The following EPPK1 variants were observed in gnomAD, a reference collection of about 807,000 sequenced individuals.
The protein encoded by EPPK1 is epiplakin.
For missense variants in EPPK1, 3,823 were observed against 3,673.3 expected, an observed-to-expected ratio of 1.04 and a Z score of -1.05; for synonymous variants, 1,862 against 1,721.2, an observed-to-expected ratio of 1.08 and a Z score of -2.03.
Position 143,868,040 on chromosome 8 carries a change from C to T in EPPK1, c.5214G>A (p.Thr1738=), listed in dbSNP as rs576530179. 3.3e-4 allele frequency: 532 copies of T among 1,613,696 alleles called. 3 individuals are homozygous for T. In the South Asian group the frequency reaches 4.4e-3, roughly 13 times the overall value. Residue 1738 remains threonine, a synonymous_variant, in exon 2 of 2, where the codon ACG becomes ACA. Transcript: ENST00000615648. ...CACAGCGCTCCAGAAGCTGCAGGTACGTGAGGTTCTCGTGCGTGTTGGGGT... is the reference window on the plus strand; with the variant it reads ...CACAGCGCTCCAGAAGCTGCAGGTATGTGAGGTTCTCGTGCGTGTTGGGGT... ...FFDPNTHENL[T]YLQLLERCVE... is the part of the protein sequence containing the mutation.
Position 143,867,797 on chromosome 8 carries a change from G to T in EPPK1, c.5457C>A (p.Ala1819=), listed in dbSNP as rs200992058. 3.1e-4 allele frequency: 498 copies of T among 1,613,426 alleles called. No homozygotes were observed. Among genetic ancestry groups the T allele is most frequent in the Non-Finnish European group, 3.5e-4 (411 of 1,179,862 alleles). ...RKRELIQEYG[A]QSGGLEKLLE... is the part of the protein sequence containing the mutation. ...GCAATTTCTCCAGGCCCCCACTCTG[G>T]GCTCCATACTCCTGGATGAGCTCCC... The change falls in exon 2 of 2, where the codon GCC becomes GCA. Residue 1819 remains alanine, a synonymous_variant. Coordinates refer to ENST00000615648, the MANE Select transcript of EPPK1 (RefSeq NM_031308.4).
chr8:143,869,299 G>C lies in EPPK1; in HGVS notation c.3955C>G (p.Gln1319Glu). ...VGRELSEQLG[Q>E]AERAAAGYPD... ...TACCCGGCCGCCGCCCTCTCGGCCT[G>C]CCCGAGCTGCTCACTCAGCTCCCTG... Residue 1319 changes from glutamine to glutamate, a missense_variant, in exon 2 of 2, where the codon CAG becomes GAG. Coordinates refer to ENST00000615648, the MANE Select transcript of EPPK1 (RefSeq NM_031308.4). 1.0e-5 allele frequency: 16 copies of C among 1,604,914 alleles called. No homozygotes were observed. Among genetic ancestry groups the C allele is most frequent in the Non-Finnish European group, 1.4e-5 (16 of 1,175,494 alleles).
rs375623650 is a variant in EPPK1, at chr8:143,869,881, C to T, written c.3373G>A (p.Glu1125Lys). The T allele has an allele frequency of 1.9e-5, 31 of 1,606,014 alleles. 1 individual carries two copies. The highest frequency in any genetic ancestry group is 1.1e-4 in the African/African-American group (8 of 74,818). ...LPESAPALPT[E>K]EQVQRSLQAV... ...TGCAGGCTCCTCTGGACCTGCTCCT[C>T]GGTGGGGAGGGCAGGAGCACTTTCT... The change falls in exon 2 of 2, where the codon GAG (glutamate) becomes AAG (lysine). Residue 1125 changes from glutamate to lysine, a missense_variant. By Grantham distance (56) the Glu-to-Lys change is moderately conservative. Transcript: ENST00000615648.
At position 143,866,361 on chromosome 8, in the gene EPPK1, T is replaced by C; in HGVS notation, c.6893A>G (p.Glu2298Gly). The change falls in exon 2 of 2, where the codon GAG becomes GGG. Residue 2298 changes from glutamate (E) to glycine (G), a missense_variant. Coordinates refer to ENST00000615648, the MANE Select transcript of EPPK1 (RefSeq NM_031308.4). The stretch of plus-strand genomic sequence containing the variant: ...GGCGCGCTCGGCCGACAGCAGCTTC[T>C]CCTGGATCTCGCCGCCCACCACGCC... ...AAGVVGGEIQ[E>G]KLLSAERAVT... 1 of 749,394 alleles carries C rather than the reference T, an allele frequency of 1.3e-6. No homozygotes were observed. Among genetic ancestry groups the C allele is most frequent in the Non-Finnish European group, 2.0e-6 (1 of 495,702 alleles). The allele number at this position is 749,394 out of a possible 1,614,324, so 46.4% of individuals were successfully genotyped here.
chr8:143,867,627 C>A lies in EPPK1; in HGVS notation c.5627G>T (p.Gly1876Val), dbSNP rs1819175805. 1 of 1,613,342 alleles carries A rather than the reference C, an allele frequency of 6.2e-7. No individual in the cohort carries two copies. Among genetic ancestry groups the A allele is most frequent in the East Asian group, 2.2e-5 (1 of 44,878 alleles). ...GCTGAGTGCCTGTCCCCCAGTCCTC[C>A]CCACACGAAGTGTGTGCAGGGTCTT... ...DQKTLHTLRV[G>V]RTGGQALSTL... Residue 1876 changes from glycine (G) to valine (V), a missense_variant, in exon 2 of 2, where the codon GGG (glycine) becomes GTG (valine). By Grantham distance (109) the Gly-to-Val change is moderately radical. Coordinates refer to ENST00000615648, the MANE Select transcript of EPPK1 (RefSeq NM_031308.4).
chr8:143,869,341 TA>T lies in EPPK1; in HGVS notation c.3912del (p.Lys1305ArgfsTer9), dbSNP rs1554660312. 6.2e-6 allele frequency: 10 copies of T among 1,609,862 alleles called. No individual in the cohort carries two copies. The South Asian group carries it at 1.1e-4, about 18-fold the overall frequency. On this transcript the variant is annotated frameshift_variant, in exon 2 of 2. Coordinates refer to ENST00000615648, the MANE Select transcript of EPPK1 (RefSeq NM_031308.4). LOFTEE classifies it low-confidence loss of function (END_TRUNC). ...AGCTCCCTGCCCACCAGGCCGACCT[TA>T]ACCGCGTCCTCCACTGACAGTCTCT... ...NNQRLSVEDAVKVGLVGRELS... is the reference protein window; with the variant it reads ...NNQRLSVEDAXKVGLVGRELS...
chr8:143,872,906 C>T lies in EPPK1; in HGVS notation c.348G>A (p.Glu116=). The T allele has an allele frequency of 1.2e-6, 2 of 1,607,116 alleles. No individual in the cohort carries two copies. Among genetic ancestry groups the T allele is most frequent in the Non-Finnish European group, 1.7e-6 (2 of 1,176,774 alleles). Residue 116 remains glutamate (E), a synonymous_variant, in exon 2 of 2, where the codon GAG becomes GAA. Transcript: ENST00000615648. The part of the protein sequence containing the change: ...LELKEKLLAA[E]RATTGYPDPY... Reference sequence around the variant, plus strand: ...GGTCAGGATAGCCCGTAGTGGCACGCTCAGCGGCCAGCAGCTTCTCCTTCA... The same window carrying T: ...GGTCAGGATAGCCCGTAGTGGCACGTTCAGCGGCCAGCAGCTTCTCCTTCA...
At position 143,872,610 on chromosome 8, in the gene EPPK1, A is replaced by G. The variant is rs1554661645; in HGVS notation, c.644T>C (p.Leu215Pro). 1 of 1,610,526 alleles carries G rather than the reference A, an allele frequency of 6.2e-7. No homozygotes were observed. The highest frequency in any genetic ancestry group is 8.5e-7 in the Non-Finnish European group (1 of 1,179,584). Residue 215 changes from leucine (L) to proline (P), a missense_variant, in exon 2 of 2, where the codon CTG becomes CCG. Leu to Pro is a moderately conservative substitution (Grantham distance 98). Coordinates refer to ENST00000615648, the MANE Select transcript of EPPK1 (RefSeq NM_031308.4). ...GCCGGGGGCACGCACACACCTTTCC[A>G]GCAGCTGGTGGTATGTCAGCCGCTC... is the stretch of plus-strand genomic sequence containing the variant. ...TLERLTYHQL[L>P]ERCVRAPGSG... is the part of the protein sequence containing the mutation.
Position 143,871,354 on chromosome 8 carries a change from G to T in EPPK1, c.1900C>A (p.Leu634Ile), listed in dbSNP as rs782195835. The stretch of plus-strand genomic sequence containing the variant: ...ATGAGGGCAGTGCCGGGCCGGAGGA[G>T]CCCCTTGCATCGGGCCTCATAGATG... ...LSIYEARCKG[L>I]LRPGTALILL... The change falls in exon 2 of 2, where the codon CTC becomes ATC. Residue 634 changes from leucine (L) to isoleucine (I), a missense_variant. By Grantham distance (5) the Leu-to-Ile change is conservative. Coordinates refer to ENST00000615648, the MANE Select transcript of EPPK1 (RefSeq NM_031308.4). 1.2e-6 allele frequency: 2 copies of T among 1,609,834 alleles called. No homozygotes were observed. Among genetic ancestry groups the T allele is most frequent in the Non-Finnish European group, 8.5e-7 (1 of 1,178,870 alleles).
rs1554657834 is a variant in EPPK1, at chr8:143,857,916, A to AC, written c.*70_*71insG. ...AATGACAAAAAAAAAAAAAAAAAAAAAAACAACCCAGACACACAAGTATGC... is the reference window on the plus strand; with the variant it reads ...AATGACAAAAAAAAAAAAAAAAAAAACAAACAACCCAGACACACAAGTATGC... On this transcript the variant is annotated 3_prime_UTR_variant, in exon 2 of 2. Coordinates refer to ENST00000615648, the MANE Select transcript of EPPK1 (RefSeq NM_031308.4). 4.9e-6 allele frequency: 4 copies of AC among 821,526 alleles called. No homozygotes were observed. The highest frequency in any genetic ancestry group is 5.2e-6 in the Non-Finnish European group (3 of 580,272). 50.9% of individuals were successfully genotyped at this position (821,526 alleles called of 1,614,324 possible).
At position 143,864,076 on chromosome 8, in the gene EPPK1, C is replaced by T; in HGVS notation, c.9178G>A (p.Val3060Ile). ...REALRAATME[V>I]KVGRLRGRAV... Reference sequence around the variant, plus strand: ...CGCCCCCGGAGGCGGCCCACCTTGACCTCCATGGTGGCCGCACGCAGGGCC... The same window carrying T: ...CGCCCCCGGAGGCGGCCCACCTTGATCTCCATGGTGGCCGCACGCAGGGCC... Residue 3060 changes from valine to isoleucine, a missense_variant, in exon 2 of 2, where the codon GTC (valine) becomes ATC (isoleucine). Physicochemically the swap from Val to Ile is conservative, Grantham distance 29. Coordinates refer to ENST00000615648, the MANE Select transcript of EPPK1 (RefSeq NM_031308.4). The T allele has an allele frequency of 1.0e-5, 2 of 197,350 alleles. No individual in the cohort carries two copies. Among genetic ancestry groups the T allele is most frequent in the East Asian group, 5.1e-5 (1 of 19,754 alleles). The allele number at this position is 197,350 out of a possible 1,614,324, so 12.2% of individuals were successfully genotyped here. A position where few individuals can be genotyped will look rare whatever the true frequency, so the allele number is the denominator to read the frequency against.
rs782482565 is a variant in EPPK1, at chr8:143,870,270, G to A, written c.2984C>T (p.Pro995Leu). The change falls in exon 2 of 2, where the codon CCG becomes CTG. Residue 995 changes from proline (P) to leucine (L), a missense_variant. Physicochemically the swap from Pro to Leu is moderately conservative, Grantham distance 98 (BLOSUM62 -3). Coordinates refer to ENST00000615648, the MANE Select transcript of EPPK1 (RefSeq NM_031308.4). This position sits in a 1 kb window ranked among gnomAD's most constrained non-coding sequence, Gnocchi z 5.2. ...CCGCTTCAGCCTGCCATACAGCTCC[G>A]GCCCCACCACACCCCTGCGCACGGC... ...DEAVRRGVVGPELYGRLKRAE... is the reference protein window; with the variant it reads ...DEAVRRGVVGLELYGRLKRAE... 1.3e-5 allele frequency: 20 copies of A among 1,594,530 alleles called. No individual in the cohort carries two copies. The highest frequency in any genetic ancestry group is 3.3e-4 in the Middle Eastern group (2 of 6,018).
At chr8:143,878,473 G>A (rs1329568274), upstream of EPPK1, 1 of 134,346 alleles carries the variant, frequency 7.4e-6, no homozygotes, top group Non-Finnish European at 1.6e-5. Flanking sequence ...GTGTCTCCGC[G>A]CGCCCGCTCC....
rs782770983 is a variant in EPPK1 at position 143,872,726 on chromosome 8, G to T, written c.528C>A (p.His176Gln). ...ATGTCTCCCGGTCCAGGAGGCCCTG[G>T]TGGCAGGCTGGCTCAGGGGCCACGA... is the stretch of plus-strand genomic sequence containing the variant. Reference protein sequence around the residue: ...GVLVAPEPACHQGLLDRETWH... With the variant: ...GVLVAPEPACQQGLLDRETWH... The change falls in exon 2 of 2, where the codon CAC becomes CAA. Residue 176 changes from histidine (H) to glutamine (Q), a missense_variant. Transcript: ENST00000615648. The T allele has an allele frequency of 2.8e-5, 45 of 1,593,636 alleles. No individual in the cohort carries two copies. The highest frequency in any genetic ancestry group is 3.7e-5 in the Non-Finnish European group (43 of 1,168,406).
Position 143,866,272 on chromosome 8 carries a change from C to T in EPPK1, c.6982G>A (p.Asp2328Asn). ...QISLFQAMQKDLIVREHGIRL... is the reference protein window; with the variant it reads ...QISLFQAMQKNLIVREHGIRL... ...ATGCCGTGCTCCCGGACGATGAGGT[C>T]CTTCTGCATGGCCTGGAAGAGGGAG... Residue 2328 changes from aspartate (D) to asparagine (N), a missense_variant, in exon 2 of 2, where the codon GAC becomes AAC. By Grantham distance (23) the Asp-to-Asn change is conservative. Coordinates refer to ENST00000615648, the MANE Select transcript of EPPK1 (RefSeq NM_031308.4). 8.1e-6 allele frequency: 4 copies of T among 494,626 alleles called. No individual in the cohort carries two copies. The highest frequency in any genetic ancestry group is 6.1e-5 in the East Asian group (2 of 32,608). The allele number at this position is 494,626 out of a possible 1,614,324, so 30.6% of individuals were successfully genotyped here.
At chr8:143,878,401 C>CCCGCCGCAA (rs1554662608) in intron 1 of EPPK1, 37 bp downstream of exon 1, 1 of 79,580 alleles carries the variant, frequency 1.3e-5, no homozygotes, top group Non-Finnish European at 3.5e-5. Context: ...CCTGCCCGCA[C>CCCGCCGCAA]CCGCCGCACC....
At position 143,872,433 on chromosome 8, in the gene EPPK1, C is replaced by T. The variant is rs201440780; in HGVS notation, c.821G>A (p.Arg274His). 258 of 1,600,050 alleles carry T rather than the reference C, an allele frequency of 1.6e-4. No homozygotes were observed. Among genetic ancestry groups the T allele is most frequent in the Non-Finnish European group, 1.7e-4 (205 of 1,178,966 alleles). The change falls in exon 2 of 2, where the codon CGT (arginine) becomes CAT (histidine). Residue 274 changes from arginine to histidine, a missense_variant. Transcript: ENST00000615648. ...CTCCAGGTAGCGCCGCACCTCGGCA[C>T]GTGCACTCACGTCCACTGCGGCCAG... is the stretch of plus-strand genomic sequence containing the variant. ...GRLAAVDVSA[R>H]AEVRRYLEGT...
Position 143,866,938 on chromosome 8 carries a change from C to T in EPPK1, c.6316G>A (p.Glu2106Lys), listed in dbSNP as rs1279792373. 3 of 1,612,840 alleles carry T rather than the reference C, an allele frequency of 1.9e-6. No individual in the cohort carries two copies. The highest frequency in any genetic ancestry group is 2.5e-6 in the Non-Finnish European group (3 of 1,179,884). The change falls in exon 2 of 2, where the codon GAG becomes AAG. Residue 2106 changes from glutamate to lysine, a missense_variant. Glu to Lys is a moderately conservative substitution (Grantham distance 56, BLOSUM62 1). Coordinates refer to ENST00000615648, the MANE Select transcript of EPPK1 (RefSeq NM_031308.4). Reference sequence around the variant, plus strand: ...CTTCCCACTGTGATTTCCACTTGCTCTGCCTCCAGGGCCCTTCTCGTCTCG... The same window carrying T: ...CTTCCCACTGTGATTTCCACTTGCTTTGCCTCCAGGGCCCTTCTCGTCTCG... ...DDETRRALEA[E>K]QVEITVGRFR...
At position 143,866,669 on chromosome 8, in the gene EPPK1, T is replaced by A; in HGVS notation, c.6585A>T (p.Glu2195Asp). 2 of 1,613,198 alleles carry A rather than the reference T, an allele frequency of 1.2e-6. No individual in the cohort carries two copies. The change falls in exon 2 of 2, where the codon GAA (glutamate) becomes GAT (aspartate). Residue 2195 changes from glutamate (E) to aspartate (D), a missense_variant. Physicochemically the swap from Glu to Asp is conservative, Grantham distance 45. Coordinates refer to ENST00000615648, the MANE Select transcript of EPPK1 (RefSeq NM_031308.4). ...ELLSSAIITE[E>D]MLQDLETGRS... Reference sequence around the variant, plus strand: ...GTCCCGTTTCCAGGTCCTGGAGCATTTCCTCCGTGATTATGGCTGAGCTGA... The same window carrying A: ...GTCCCGTTTCCAGGTCCTGGAGCATATCCTCCGTGATTATGGCTGAGCTGA...
Sources: gnomAD v4.1 joint callset for allele counts on GRCh38, gnomAD v4.1.1 for gene constraint, Gnocchi (gnomAD v3.1) non-coding constraint, MANE v1.5 for transcripts, NCBI Gene and HGNC (gene_info 2026-07-23, HGNC 2026-07-21) for gene names.